The following DNAI2 variants were observed in gnomAD, a reference collection of about 807,000 sequenced individuals.
The protein encoded by DNAI2 is dynein axonemal intermediate chain 2.
A neutral mutation model predicts 74.7 loss-of-function variants in DNAI2; 63 were observed. The observed-to-expected ratio is 0.84, with a 90% confidence interval of 0.69 to 1.04. The LOEUF (loss-of-function observed/expected upper bound fraction) is 1.04, where lower values mean the gene tolerates loss of function less well. DNAI2 is among the 50% of genes least tolerant of loss of function. DNAI2 has a pLI of 0.00. For missense variants in DNAI2, 688 were observed against 803.2 expected, an observed-to-expected ratio of 0.86 and a Z score of 1.73; for synonymous variants, 289 against 314.9, an observed-to-expected ratio of 0.92 and a Z score of 0.87.
In DNAI2 at chr17:74,314,238, G is replaced by A. The variant is rs139420980; in HGVS notation, c.*22G>A. The A allele has an allele frequency of 4.1e-4, 656 of 1,613,628 alleles. 7 individuals carry two copies. In the South Asian group the frequency reaches 6.5e-3, roughly 16 times the overall value. On this transcript the variant is annotated 3_prime_UTR_variant, in exon 13 of 14. Coordinates refer to ENST00000311014, the MANE Select transcript of DNAI2 (RefSeq NM_023036.6). ...CTAGAAGTCAGCCTTCGACTGCGGC[G>A]CTATCCCTGTGTGCCTTCCTTTCCC...
Position 74,289,691 on chromosome 17 carries a change from C to G in DNAI2, c.565C>G (p.Arg189Gly). The G allele has an allele frequency of 6.2e-7, 1 of 1,614,018 alleles. No individual in the cohort carries two copies. The highest frequency in any genetic ancestry group is 8.5e-7 in the Non-Finnish European group (1 of 1,180,028). ...GGCATACTCCTGCTTGGATTTTCAG[C>G]GGGCACCTGTGGGCATGAGCAGCGA... ...AVAYSCLDFQ[R>G]APVGMSSDSY... Residue 189 changes from arginine (R) to glycine (G), a missense_variant, in exon 5 of 14, where the codon CGG (arginine) becomes GGG (glycine). By Grantham distance (125) the Arg-to-Gly change is moderately radical. Transcript: ENST00000311014.
chr17:74,276,512 G>A (rs2051092947), intron 1 of DNAI2, among the ~76,000 whole-genome samples: 1 of 152,150 alleles, frequency 6.6e-6, no homozygotes, highest in African/African-American at 2.4e-5. Context: ...CAAGAGGTTG[G>A]GGGAGACCTC....
intron 11 of DNAI2, among the ~76,000 whole-genome samples, chr17:74,311,536 G>A (rs575947958): frequency 1.3e-5 from 2 of 152,168 alleles, no homozygotes; most frequent in Admixed American, 6.5e-5. Context: ...TTGCTTGAAC[G>A]TGGGAAGCAG....
intron 1 of DNAI2, among the ~76,000 whole-genome samples, chr17:74,280,779 A>G (rs1024649550): frequency 3.9e-5 from 6 of 152,106 alleles, no homozygotes; most frequent in African/African-American, 1.4e-4. Context: ...CTGTCAATAA[A>G]CACTGATTCA....
At chr17:74,280,822 C>T (rs2051345688) in intron 1 of DNAI2, among the ~76,000 whole-genome samples, 1 of 152,082 alleles carries the variant, frequency 6.6e-6, no homozygotes. Context: ...TGCGATGGCT[C>T]ATACCTGTAA....
chr17:74,309,463 G>GCT (rs1466660682), intron 10 of DNAI2, 75 bp downstream of exon 10: 2 of 1,601,648 alleles, frequency 1.2e-6, no homozygotes, highest in South Asian at 1.1e-5. Context: ...AGTGTGGGGT[G>GCT]CTGTGAGCAC....
intron 11 of DNAI2, 113 bp from the exon 12 acceptor site, chr17:74,311,890 G>A: frequency 6.1e-6 from 6 of 987,650 alleles, no homozygotes; most frequent in Non-Finnish European, 9.3e-6. Context: ...ACAGTACAGG[G>A]ACTGTATGGA....
rs538447244 is a variant in DNAI2, at chr17:74,301,773, A to AC, written c.987+613dup. On this transcript the variant is annotated intron_variant, in intron 8 of 13. Coordinates refer to ENST00000311014, the MANE Select transcript of DNAI2 (RefSeq NM_023036.6). ...AAGACCAGCCTGGGTACATAATGAG[A>AC]CCCCCCCCACCGCCCGCCCAGTCTT... Among the ~76,000 whole-genome samples the AC allele has an allele frequency of 1.9e-3, 262 of 139,440 alleles. 5 individuals are homozygous for AC. In the East Asian group the frequency reaches 0.038, roughly 20 times the overall value. The allele number at this position is 139,440 out of a possible 152,430, so 91.5% of individuals were successfully genotyped here.
At chr17:74,292,821 C>T (rs76845324) in intron 6 of DNAI2, among the ~76,000 whole-genome samples, 2,981 of 147,544 alleles carry the variant, frequency 0.02, 54 homozygotes, top group East Asian at 0.075. Flanking sequence ...GCTTATTGTC[C>T]GGTGTAGTTT....
At chr17:74,289,997 A>G (rs181730272) in intron 5 of DNAI2, among the ~76,000 whole-genome samples, 1 of 152,220 alleles carries the variant, frequency 6.6e-6, no homozygotes, top group African/African-American at 2.4e-5. Context: ...ACCTGACCCC[A>G]TGGGATCTCA....
Position 74,305,454 on chromosome 17 carries a change from T to C in DNAI2, c.1211+12T>C. 6.2e-7 allele frequency: 1 copy of C among 1,613,004 alleles called. No homozygotes were observed. Among genetic ancestry groups the C allele is most frequent in the Non-Finnish European group, 8.5e-7 (1 of 1,179,374 alleles). On this transcript the variant is annotated intron_variant, in intron 9 of 13. Transcript: ENST00000311014. The stretch of plus-strand genomic sequence containing the variant: ...ATCATGTGGACCAAGTAAGAGGCGA[T>C]GCTGGGGACAGGAGGGGATGCAGGA...
At chr17:74,279,088 A>G (rs563688126) in intron 1 of DNAI2, among the ~76,000 whole-genome samples, 122 of 152,150 alleles carry the variant, frequency 8.0e-4, no homozygotes, top group Non-Finnish European at 1.4e-3. Context: ...AATGGCGTGA[A>G]CCCGGGAGGC....
chr17:74,307,809 T>G (rs2053275265), intron 9 of DNAI2, among the ~76,000 whole-genome samples: 1 of 152,148 alleles, frequency 6.6e-6, no homozygotes, highest in Non-Finnish European at 1.5e-5. Flanking sequence ...AGATGTTTCT[T>G]TTTTTGGGGG....
intron 4 of DNAI2, 88 bp from the exon 5 acceptor site, chr17:74,289,506 A>C (rs1194188205): frequency 1.9e-6 from 3 of 1,542,332 alleles, no homozygotes; most frequent in Non-Finnish European, 2.7e-6. Flanking sequence ...GGGACAGAGC[A>C]AGACTCCATC....
At chr17:74,301,310 G>C (rs955533049) in intron 8 of DNAI2, 142 bp downstream of exon 8, 5 of 1,256,932 alleles carry the variant, frequency 4.0e-6, no homozygotes, top group Non-Finnish European at 5.7e-6. Context: ...CATCCTAGAC[G>C]TGTGTGGCCT....
At chr17:74,302,779 T>C (rs537346890) in intron 8 of DNAI2, among the ~76,000 whole-genome samples, 1 of 152,312 alleles carries the variant, frequency 6.6e-6, no homozygotes, top group South Asian at 2.1e-4. Flanking sequence ...GGGGTGTCAC[T>C]TGTTTGCTTC....
At position 74,305,239 on chromosome 17, in the gene DNAI2, G is replaced by A; in HGVS notation, c.1008G>A (p.Gly336=). Residue 336 remains glycine, a synonymous_variant, in exon 9 of 14, where the codon GGG becomes GGA. Transcript: ENST00000311014. The part of the protein sequence containing the change: ...ESTLPTKFMV[G]TEQGIVISCN... ...CACAGCCCACCAAGTTCATGGTGGG[G>A]ACCGAGCAGGGCATCGTCATCTCCT... The A allele has an allele frequency of 1.2e-6, 2 of 1,614,132 alleles. No individual in the cohort carries two copies. Among genetic ancestry groups the A allele is most frequent in the Non-Finnish European group, 1.7e-6 (2 of 1,180,032 alleles).
Position 74,314,169 on chromosome 17 carries a change from G to A in DNAI2, c.1771G>A (p.Ala591Thr). 6.2e-7 allele frequency: 1 copy of A among 1,614,244 alleles called. No individual in the cohort carries two copies. The highest frequency in any genetic ancestry group is 1.1e-5 in the South Asian group (1 of 91,090). The change falls in exon 13 of 14, where the codon GCA (alanine) becomes ACA (threonine). Residue 591 changes from alanine (A) to threonine (T), a missense_variant. Coordinates refer to ENST00000311014, the MANE Select transcript of DNAI2 (RefSeq NM_023036.6). ...EDQVVEEGEE[A>T]AGEEGDEEVE... ...CCAGGTGGTGGAGGAGGGAGAGGAAGCAGCGGGGGAAGAAGGGGATGAAGA... is the reference window on the plus strand; with the variant it reads ...CCAGGTGGTGGAGGAGGGAGAGGAAACAGCGGGGGAAGAAGGGGATGAAGA...
At chr17:74,281,469 G>T in intron 1 of DNAI2, 1 of 518,062 alleles carries the variant, frequency 1.9e-6, no homozygotes, top group Non-Finnish European at 3.4e-6. Context: ...TGTTGGCCAG[G>T]CTGGTCTTGA....
Sources: allele counts gnomAD v4.1 joint callset (sites outside exome capture counted in the v4.1 genomes callset), GRCh38; gene constraint gnomAD v4.1.1; transcripts MANE v1.5; gene names NCBI Gene and HGNC (gene_info 2026-07-23, HGNC 2026-07-21).